The following DLGAP2 variants were observed in gnomAD, a reference collection of about 807,000 sequenced individuals.
The protein encoded by DLGAP2 is disks large-associated protein 2.
In DLGAP2, 26 loss-of-function variants were observed where a neutral mutation model predicts 100.3. The ratio of observed to expected loss-of-function variants is 0.26; its 90% CI spans 0.19 to 0.36. DLGAP2 has a LOEUF of 0.36. Ranked by LOEUF, DLGAP2 falls within the 10% of genes least tolerant of loss-of-function variation. The pLI is 1.00. For synonymous variants in DLGAP2, 886 were observed against 630.1 expected (o/e 1.41, Z -6.08); for missense variants, 1,858 against 1,453.2 (o/e 1.28, Z -4.53).
At chr8:1,687,766 A>ACTT (rs1179029801) in intron 12 of DLGAP2, among the ~76,000 whole-genome samples, 1 of 152,202 alleles carries the variant, frequency 6.6e-6, no homozygotes, top group African/African-American at 2.4e-5. Context: ...TGGGAATTAA[A>ACTT]CTTCAAATTT....
At chr8:761,607 G>C (rs1821086100) in intron 1 of DLGAP2, among the ~76,000 whole-genome samples, 1 of 152,228 alleles carries the variant, frequency 6.6e-6, no homozygotes, top group Non-Finnish European at 1.5e-5. Flanking sequence ...TCCCCTCCAT[G>C]CACCCTTAGG....
chr8:770,328 C>T lies in DLGAP2; in HGVS notation c.18+32503C>T, dbSNP rs544852353. On this transcript the variant is annotated intron_variant, in intron 1 of 14. Transcript: ENST00000637795. ...GGCCTTGCTCCTCCTCCGTGTCCTC[C>T]GCCTCCCACCCTGGGGAGCACAGTG... Among the ~76,000 whole-genome samples, 12 of 152,230 alleles carry T rather than the reference C, an allele frequency of 7.9e-5. No individual in the cohort carries two copies. The South Asian group carries it at 1.5e-3, about 18-fold the overall frequency.
At chr8:982,055 C>T (rs1018640363) in intron 2 of DLGAP2, among the ~76,000 whole-genome samples, 1 of 152,198 alleles carries the variant, frequency 6.6e-6, no homozygotes, top group Non-Finnish European at 1.5e-5. Flanking sequence ...CCTGGCTAAC[C>T]ATGTCTCCTC....
chr8:1,372,060 C>G (rs1802250833), intron 3 of DLGAP2, among the ~76,000 whole-genome samples: 1 of 152,254 alleles, frequency 6.6e-6, no homozygotes, highest in African/African-American at 2.4e-5. Context: ...GAGGCACACA[C>G]TGCTCAGGCA....
At chr8:1,363,557 T>A (rs1177629496) in intron 3 of DLGAP2, among the ~76,000 whole-genome samples, 1 of 152,192 alleles carries the variant, frequency 6.6e-6, no homozygotes, top group East Asian at 1.9e-4. Flanking sequence ...GTCCCCGGCA[T>A]TTCCAGAGGA....
At chr8:1,684,000 A>C (rs1181468961) in intron 12 of DLGAP2, among the ~76,000 whole-genome samples, 1 of 108,654 alleles carries the variant, frequency 9.2e-6, no homozygotes, top group Non-Finnish European at 1.9e-5. Flanking sequence ...TTTTTTTTTT[A>C]AGACGAAGTC....
intron 8 of DLGAP2, among the ~76,000 whole-genome samples, chr8:1,641,818 G>C (rs1019672618): frequency 1.1e-4 from 17 of 152,098 alleles, no homozygotes; most frequent in Admixed American, 1.1e-3. Context: ...AGTCATTTCA[G>C]GTTTTCAGAT....
chr8:1,157,771 A>G (rs2129052291), intron 2 of DLGAP2, among the ~76,000 whole-genome samples: 1 of 152,348 alleles, frequency 6.6e-6, no homozygotes, highest in East Asian at 1.9e-4. Context: ...TCGTCATTTG[A>G]AAAGCCTTTT....
chr8:1,249,606 T>C (rs185440794), intron 2 of DLGAP2, among the ~76,000 whole-genome samples: 2 of 152,306 alleles, frequency 1.3e-5, no homozygotes, highest in East Asian at 3.9e-4. Flanking sequence ...CTTCATTTCT[T>C]TGGGCTTCTT....
chr8:1,430,011 T>TATATATATATATATATATACAC (rs1348288489), intron 3 of DLGAP2, among the ~76,000 whole-genome samples: 8 of 63,958 alleles, frequency 1.3e-4, no homozygotes, highest in Non-Finnish European at 2.3e-4. Flanking sequence ...TATATACATA[T>TATATATATATATATATATACAC]ATATATATAT....
intron 2 of DLGAP2, among the ~76,000 whole-genome samples, chr8:989,629 A>G (rs1171163395): frequency 6.6e-6 from 1 of 152,176 alleles, no homozygotes; most frequent in African/African-American, 2.4e-5. Context: ...ACATTCCTTG[A>G]AGGCTGATAT....
intron 3 of DLGAP2, among the ~76,000 whole-genome samples, chr8:1,335,268 C>G (rs1801248425): frequency 6.6e-6 from 1 of 152,198 alleles, no homozygotes; most frequent in South Asian, 2.1e-4. Flanking sequence ...AGGCTGGACT[C>G]TTTAGGGCGG....
Position 1,626,145 on chromosome 8 carries a change from A to G in DLGAP2, c.1443-595A>G, listed in dbSNP as rs1290099412. 4.9e-4 allele frequency among the ~76,000 whole-genome samples: 71 copies of G among 144,564 alleles called. 1 individual carries two copies. Among genetic ancestry groups the G allele is most frequent in the Non-Finnish European group, 5.9e-4 (39 of 66,484 alleles). The allele number at this position is 144,564 out of a possible 152,430, so 94.8% of individuals were successfully genotyped here. On this transcript the variant is annotated intron_variant, in intron 6 of 14. Coordinates refer to ENST00000637795, the MANE Select transcript of DLGAP2 (RefSeq NM_001346810.2). ...CACCTCTGCCCTGTGGCGGGTGCTC[A>G]GCCTCTGGGTGTGGGTTGGACGGCT...
chr8:1,470,388 G>T (rs956319233), intron 3 of DLGAP2, among the ~76,000 whole-genome samples: 1 of 152,186 alleles, frequency 6.6e-6, no homozygotes, highest in African/African-American at 2.4e-5. Flanking sequence ...CACAGTGGGA[G>T]CTGGATTCAT....
At chr8:979,641 C>T (rs1031613351) in intron 2 of DLGAP2, among the ~76,000 whole-genome samples, 11 of 152,184 alleles carry the variant, frequency 7.2e-5, no homozygotes, top group Admixed American at 4.6e-4. Context: ...ATGAGAACTG[C>T]CCTCTGAGCG....
At chr8:1,108,551 A>T (rs1246223898) in intron 2 of DLGAP2, among the ~76,000 whole-genome samples, 1 of 143,220 alleles carries the variant, frequency 7.0e-6, no homozygotes, top group Non-Finnish European at 1.5e-5. Context: ...GCATGTGCCT[A>T]TGAAGTGTGC....
chr8:1,181,665 C>G (rs1026772279), intron 2 of DLGAP2, among the ~76,000 whole-genome samples: 1 of 152,078 alleles, frequency 6.6e-6, no homozygotes, highest in Non-Finnish European at 1.5e-5. Flanking sequence ...ACAAACCTGC[C>G]CATTTACCCC....
intron 2 of DLGAP2, among the ~76,000 whole-genome samples, chr8:951,410 AT>A (rs1034045046): frequency 6.6e-6 from 1 of 152,006 alleles, no homozygotes; most frequent in African/African-American, 2.4e-5. Flanking sequence ...ACACCTGGCT[AT>A]TTTTTTGTTT....
chr8:1,419,218 G>A (rs1797024783), intron 3 of DLGAP2, among the ~76,000 whole-genome samples: 1 of 150,996 alleles, frequency 6.6e-6, no homozygotes, highest in African/African-American at 2.5e-5. Flanking sequence ...GTGTGTGTGT[G>A]TGTGTGTGTG....
Sources: gnomAD v4.1 joint callset for allele counts (sites outside exome capture counted in the v4.1 genomes callset) on GRCh38, gnomAD v4.1.1 for gene constraint, MANE v1.5 for transcripts, NCBI Gene and HGNC (gene_info 2026-07-23, HGNC 2026-07-21) for gene names.